GSE1: variants seen among roughly 807,000 people sequenced by gnomAD.
GSE1 encodes genetic suppressor element 1.
Under a neutral mutation model 112.6 loss-of-function variants are expected in GSE1, and 32 were observed. The observed-to-expected ratio is 0.28, with a 90% confidence interval of 0.21 to 0.38. The LOEUF is 0.38. Ranked by LOEUF, GSE1 falls within the 10% of genes least tolerant of loss-of-function variation. The pLI is 1.00. For synonymous variants in GSE1, 1,115 were observed against 735.6 expected (o/e 1.52, Z -8.35); for missense variants, 2,348 against 1,699.2 (o/e 1.38, Z -6.71).
chr16:85,580,597 G>A (rs556359808), intron 1 of GSE1, among the ~76,000 whole-genome samples: 1 of 152,232 alleles, frequency 6.6e-6, no homozygotes, highest in African/African-American at 2.4e-5. Context: ...TGGCTGTGGT[G>A]GCTGACATCT....
intron 3 of GSE1, 26 bp from the exon 4 acceptor site, chr16:85,654,252 C>T (rs566349737): frequency 7.0e-6 from 11 of 1,567,976 alleles, no homozygotes; most frequent in African/African-American, 2.7e-5. Context: ...AGGCTCCTGC[C>T]CTGACTGGAC....
At chr16:85,271,015 G>A (rs896517024) in intron 1 of GSE1, among the ~76,000 whole-genome samples, 2 of 152,192 alleles carry the variant, frequency 1.3e-5, no homozygotes, top group African/African-American at 2.4e-5. Flanking sequence ...CAGAGCGAAT[G>A]CCATCAGGCC....
chr16:85,510,147 G>C (rs535074830), intron 2 of GSE1, among the ~76,000 whole-genome samples: 4 of 152,162 alleles, frequency 2.6e-5, no homozygotes, highest in African/African-American at 9.7e-5. Flanking sequence ...CCTGCCCCTC[G>C]GCTCTCCCAT....
chr16:85,355,535 G>A (rs1006142548), intron 1 of GSE1, among the ~76,000 whole-genome samples: 3 of 152,224 alleles, frequency 2.0e-5, no homozygotes, highest in Non-Finnish European at 4.4e-5. Flanking sequence ...AGCAGACGCC[G>A]ACAGCCAGGG....
chr16:85,195,974 C>T (rs1389926733), intron 1 of GSE1, among the ~76,000 whole-genome samples: 3 of 152,120 alleles, frequency 2.0e-5, no homozygotes, highest in Non-Finnish European at 4.4e-5. Context: ...GCTTTAGTAC[C>T]GATGCTGTGT....
intron 1 of GSE1, among the ~76,000 whole-genome samples, chr16:85,313,915 CCT>C (rs1491571372): frequency 3.6e-5 from 3 of 82,922 alleles, no homozygotes; most frequent in African/African-American, 1.2e-4. Context: ...CTAGTCTGAG[CCT>C]CTGTGTGTGT....
intron 1 of GSE1, among the ~76,000 whole-genome samples, chr16:85,262,332 G>A (rs1055196885): frequency 6.6e-6 from 1 of 152,266 alleles, no homozygotes; most frequent in South Asian, 2.1e-4. Context: ...GGTGACACGC[G>A]GTGGCAGAGG....
At chr16:85,555,897 CT>C, upstream of GSE1, 1 of 863,562 alleles carries the variant, frequency 1.2e-6, no homozygotes, top group Non-Finnish European at 1.4e-6. Context: ...CACCTCCCCC[CT>C]TTATTTTTCT....
intron 1 of GSE1, among the ~76,000 whole-genome samples, chr16:85,586,369 G>A (rs1214790019): frequency 1.3e-5 from 2 of 152,236 alleles, no homozygotes; most frequent in Admixed American, 6.5e-5. Context: ...GCCTTTGTCC[G>A]TGAGGTTCCC....
At chr16:85,669,137 C>T (rs1233947853) in intron 14 of GSE1, among the ~76,000 whole-genome samples, 2 of 152,252 alleles carry the variant, frequency 1.3e-5, no homozygotes, top group African/African-American at 4.8e-5. Flanking sequence ...CTCTGTGCCT[C>T]AGTTTCCCTA....
At chr16:85,367,651 C>CA (rs945627641) in intron 2 of GSE1, among the ~76,000 whole-genome samples, 7 of 152,180 alleles carry the variant, frequency 4.6e-5, no homozygotes, top group Admixed American at 3.9e-4. Context: ...CCGGGGCAGC[C>CA]AGTGCCTGGC....
Position 85,666,228 on chromosome 16 carries a change from T to C in GSE1, c.3011T>C (p.Leu1004Pro), listed in dbSNP as rs1285072819. The C allele has an allele frequency of 1.2e-6, 2 of 1,613,758 alleles. No individual in the cohort carries two copies. Among genetic ancestry groups the C allele is most frequent in the East Asian group, 2.2e-5 (1 of 44,888 alleles). The change falls in exon 13 of 16, where the codon CTG (leucine) becomes CCG (proline). Residue 1004 changes from leucine (L) to proline (P), a missense_variant. Transcript: ENST00000253458. ...GCACCCAAGGACATTCCTGTGCCGC[T>C]GTCCCACAGCACCAATGGGAAGAGC... ...GAAPKDIPVP[L>P]SHSTNGKSKP... is the part of the protein sequence containing the mutation.
At chr16:85,567,046 ACCCCCAC>A (rs1567597111) in intron 1 of GSE1, among the ~76,000 whole-genome samples, 2 of 87,662 alleles carry the variant, frequency 2.3e-5, no homozygotes, top group East Asian at 8.7e-4. Context: ...CCCCACCCCC[ACCCCCAC>A]CCCCACCCCC....
At chr16:85,477,455 T>A (rs1286265489) in intron 2 of GSE1, among the ~76,000 whole-genome samples, 1 of 151,116 alleles carries the variant, frequency 6.6e-6, no homozygotes, top group African/African-American at 2.4e-5. Flanking sequence ...GCCAGCTGGG[T>A]CTGCTCGGCA....
intron 1 of GSE1, among the ~76,000 whole-genome samples, chr16:85,231,964 A>T (rs1904290750): frequency 6.6e-6 from 1 of 152,222 alleles, no homozygotes; most frequent in African/African-American, 2.4e-5. Flanking sequence ...TCTGACCGCC[A>T]TGAATGCCAG....
chr16:85,520,690 T>C (rs2052154077), intron 2 of GSE1, among the ~76,000 whole-genome samples: 1 of 152,120 alleles, frequency 6.6e-6, no homozygotes, highest in South Asian at 2.1e-4. Context: ...CCCAAAATGC[T>C]GGGATTACAG....
intron 2 of GSE1, among the ~76,000 whole-genome samples, chr16:85,407,439 T>C (rs1293660104): frequency 7.5e-3 from 4 of 536 alleles, no homozygotes; most frequent in Non-Finnish European, 0.015. Context: ...CAGGCCCCCC[T>C]GGATAATCCT....
At chr16:85,475,824 C>G (rs1054859168) in intron 2 of GSE1, among the ~76,000 whole-genome samples, 5 of 146,582 alleles carry the variant, frequency 3.4e-5, no homozygotes, top group Admixed American at 6.9e-5. Flanking sequence ...GGGTTTCACT[C>G]TGTTGCCCAG....
intron 1 of GSE1, among the ~76,000 whole-genome samples, chr16:85,182,168 C>A (rs893096785): frequency 1.3e-5 from 2 of 152,174 alleles, no homozygotes; most frequent in East Asian, 3.9e-4. Flanking sequence ...CCTCCCCGCC[C>A]CCCGCTGCCA....
Sources: gnomAD v4.1 joint callset for allele counts (sites outside exome capture counted in the v4.1 genomes callset) on GRCh38, gnomAD v4.1.1 for gene constraint, MANE v1.5 for transcripts, NCBI Gene and HGNC (gene_info 2026-07-23, HGNC 2026-07-21) for gene names.